The following SMAD5 variants were observed in gnomAD, a reference collection of about 807,000 sequenced individuals.
SMAD5 encodes SMAD family member 5, also known as MAD, mothers against decapentaplegic homolog 5.
A neutral mutation model predicts 43.1 loss-of-function variants in SMAD5; 9 were observed. The ratio of observed to expected loss-of-function variants is 0.21; its 90% CI spans 0.13 to 0.36. The LOEUF is 0.36. Ranked by LOEUF, SMAD5 falls within the 10% of genes least tolerant of loss-of-function variation. SMAD5 has a pLI of 1.00. For synonymous variants in SMAD5, 190 were observed against 192.4 expected (o/e 0.99, Z 0.10); for missense variants, 348 against 574.0 (o/e 0.61, Z 4.02).
chr5:136,166,712 A>G (rs10223070), intron 5 of SMAD5, among the ~76,000 whole-genome samples: 53,759 of 151,780 alleles, frequency 0.35, 10,304 homozygotes, highest in African/African-American at 0.52. Context: ...TACACAATAA[A>G]TAGTATTATT....
At chr5:136,139,499 A>T (rs1752999968) in intron 1 of SMAD5, among the ~76,000 whole-genome samples, 1 of 151,920 alleles carries the variant, frequency 6.6e-6, no homozygotes, top group Non-Finnish European at 1.5e-5. Flanking sequence ...TTGTTCTCAT[A>T]CACCCCATGA....
intron 2 of SMAD5, among the ~76,000 whole-genome samples, chr5:136,150,105 G>A (rs943808245): frequency 6.6e-6 from 1 of 151,460 alleles, no homozygotes; most frequent in Non-Finnish European, 1.5e-5. Flanking sequence ...AACAGTGAAT[G>A]TTTCGTAATA....
intron 1 of SMAD5, among the ~76,000 whole-genome samples, chr5:136,141,830 G>T (rs1753091273): frequency 6.6e-6 from 1 of 152,120 alleles, no homozygotes; most frequent in Non-Finnish European, 1.5e-5. Context: ...CTCCAAATTT[G>T]TATAACCCCA....
intron 3 of SMAD5, among the ~76,000 whole-genome samples, chr5:136,156,911 C>T (rs1433649652): frequency 1.3e-5 from 2 of 152,186 alleles, no homozygotes; most frequent in East Asian, 1.9e-4. Flanking sequence ...TGAGCCCAAA[C>T]TCTTGGGGGA....
In SMAD5 at chr5:136,165,662, A is replaced by ATAT. The variant is rs1561653930; in HGVS notation, c.775+2272_775+2273insATT. Among the ~76,000 whole-genome samples, 36 of 65,448 alleles carry ATAT rather than the reference A, an allele frequency of 5.5e-4. 2 individuals carry two copies. Among genetic ancestry groups the ATAT allele is most frequent in the Non-Finnish European group, 6.9e-4 (23 of 33,258 alleles). The allele number at this position is 65,448 out of a possible 152,430, so 42.9% of individuals were successfully genotyped here. ...TACTTCATATAAATGGAATCATACAATTTTTTTTTTTTTTTTTTTTTTTTT... is the reference window on the plus strand; with the variant it reads ...TACTTCATATAAATGGAATCATACAATATTTTTTTTTTTTTTTTTTTTTTTTTT... On this transcript the variant is annotated intron_variant, in intron 5 of 7. Coordinates refer to ENST00000545279, the MANE Select transcript of SMAD5 (RefSeq NM_005903.7).
chr5:136,164,325 C>T (rs1032132649), intron 5 of SMAD5, among the ~76,000 whole-genome samples: 2 of 152,204 alleles, frequency 1.3e-5, no homozygotes, highest in South Asian at 2.1e-4. Flanking sequence ...TATAAAACTT[C>T]TCTGAAGCGG....
chr5:136,170,865 T>G (rs1754195101), intron 5 of SMAD5, among the ~76,000 whole-genome samples: 1 of 152,138 alleles, frequency 6.6e-6, no homozygotes, highest in African/African-American at 2.4e-5. Context: ...TTAAATTTCA[T>G]TTGTTTATTG....
rs1754497425 is a variant in SMAD5, at chr5:136,178,281, C to T, written c.*801C>T. The T allele has an allele frequency of 6.6e-6, 1 of 152,586 alleles. No individual in the cohort carries two copies. The highest frequency in any genetic ancestry group is 2.4e-5 in the African/African-American group (1 of 41,440). 9.5% of individuals were successfully genotyped at this position (152,586 alleles called of 1,614,324 possible). ...TTCAACTATGTTTGCTGCTTTTGGA[C>T]AATGTTGCAAGAACTCTATTTTTGA... On this transcript the variant is annotated 3_prime_UTR_variant, in exon 8 of 8. Transcript: ENST00000545279.
intron 1 of SMAD5, among the ~76,000 whole-genome samples, chr5:136,142,540 T>C (rs1019228294): frequency 1.3e-5 from 2 of 152,166 alleles, no homozygotes; most frequent in Non-Finnish European, 2.9e-5. Flanking sequence ...CTTGGTTTTC[T>C]TTCTAGCTTT....
rs773063044 is a variant in SMAD5, at chr5:136,172,521, A to G, written c.863A>G (p.His288Arg). 22 of 1,611,666 alleles carry G rather than the reference A, an allele frequency of 1.4e-5. No homozygotes were observed. The highest frequency in any genetic ancestry group is 1.8e-5 in the Non-Finnish European group (21 of 1,177,952). Residue 288 changes from histidine (H) to arginine (R), a missense_variant, in exon 6 of 8, where the codon CAT (histidine) becomes CGT (arginine). Transcript: ENST00000545279. ...ELNNRVGEAFHASSTSVLVDG... is the reference protein window; with the variant it reads ...ELNNRVGEAFRASSTSVLVDG... ...AACAATCGTGTTGGAGAAGCTTTTC[A>G]TGCATCTTCTACTAGTGTGTTAGTA...
intron 7 of SMAD5, among the ~76,000 whole-genome samples, chr5:136,176,607 A>C (rs900429885): frequency 2.0e-5 from 3 of 151,846 alleles, no homozygotes; most frequent in Admixed American, 2.0e-4. Context: ...TGGTTTCTCC[A>C]GGAATTACCA....
chr5:136,151,144 A>G (rs1254201325), intron 2 of SMAD5, among the ~76,000 whole-genome samples: 2 of 152,026 alleles, frequency 1.3e-5, no homozygotes, highest in Admixed American at 6.6e-5. Flanking sequence ...TATTTGATAA[A>G]TGGACACTAT....
At chr5:136,143,254 TC>T (rs1358169564) in intron 1 of SMAD5, among the ~76,000 whole-genome samples, 1 of 151,170 alleles carries the variant, frequency 6.6e-6, no homozygotes, top group Non-Finnish European at 1.5e-5. Flanking sequence ...ATTTGTGACA[TC>T]CCTCGTATCT....
chr5:136,137,072 G>A (rs534709181), intron 1 of SMAD5, among the ~76,000 whole-genome samples: 17 of 144,484 alleles, frequency 1.2e-4, no homozygotes, highest in African/African-American at 3.9e-4. Context: ...TTTTGGCCCA[G>A]TTCTAGTAGA....
intron 1 of SMAD5, among the ~76,000 whole-genome samples, chr5:136,146,026 T>C (rs1302082770): frequency 6.6e-6 from 1 of 151,904 alleles, no homozygotes. Flanking sequence ...TCGTAGATAG[T>C]TATGGGCACA....
At chr5:136,149,274 A>T (rs1753368783) in intron 2 of SMAD5, among the ~76,000 whole-genome samples, 1 of 151,838 alleles carries the variant, frequency 6.6e-6, no homozygotes, top group Non-Finnish European at 1.5e-5. Context: ...TTATAAATAA[A>T]GTTGTTAGGA....
chr5:136,137,053 G>T (rs929724758), intron 1 of SMAD5, among the ~76,000 whole-genome samples: 19 of 150,950 alleles, frequency 1.3e-4, no homozygotes, highest in Non-Finnish European at 2.2e-4. Flanking sequence ...GGGCAGCTAG[G>T]GGGGATGTTT....
chr5:136,133,001 T>C (rs7718415), intron 1 of SMAD5, 39 bp downstream of exon 1: 54,875 of 152,306 alleles, frequency 0.36, 10,883 homozygotes, highest in African/African-American at 0.54. Context: ...CGAGGGGAAC[T>C]GGGGGCTGCA....
At chr5:136,144,708 A>G (rs1213659577) in intron 1 of SMAD5, among the ~76,000 whole-genome samples, 1 of 151,796 alleles carries the variant, frequency 6.6e-6, no homozygotes, top group African/African-American at 2.4e-5. Context: ...AGAGGTGCAA[A>G]TAGAATCTGC....
Sources: gnomAD v4.1 joint callset for allele counts (sites outside exome capture counted in the v4.1 genomes callset) on GRCh38, gnomAD v4.1.1 for gene constraint, MANE v1.5 for transcripts, NCBI Gene and HGNC (gene_info 2026-07-23, HGNC 2026-07-21) for gene names.